Variants in CGAS observed in about 807,000 individuals in gnomAD.
CGAS encodes cyclic GMP-AMP synthase.
In CGAS, 31 loss-of-function variants were observed where a neutral mutation model predicts 34.0. That is an observed-to-expected ratio of 0.91 (90% CI 0.69 to 1.23). CGAS has a LOEUF of 1.23. CGAS is among the 50% of genes most tolerant of loss of function. CGAS has a pLI of 0.00. For missense variants in CGAS, 597 were observed against 657.6 expected (o/e 0.91, Z 1.01); for synonymous variants, 266 against 260.0 (o/e 1.02, Z -0.22).
rs114933995 is a variant in CGAS at position 73,426,623 on chromosome 6, C to A, written c.1218-1045G>T. Among the ~76,000 whole-genome samples, 474 of 151,618 alleles carry A rather than the reference C, an allele frequency of 3.1e-3. 2 individuals are homozygous for A. The highest frequency in any genetic ancestry group is 0.011 in the African/African-American group (454 of 41,430). ...AACCTCTGACCCTCCCCTCACCCCC[C>A]TCAAGCGATCCAAAATCTTGTTTTG... On this transcript the variant is annotated intron_variant, in intron 4 of 4. Transcript: ENST00000370315.
chr6:73,446,329 C>CA (rs55833644), intron 1 of CGAS, among the ~76,000 whole-genome samples: 2 of 114,520 alleles, frequency 1.7e-5, no homozygotes, highest in African/African-American at 3.4e-5. Flanking sequence ...GACTCCATCT[C>CA]AAAAAAAAAA....
intron 4 of CGAS, among the ~76,000 whole-genome samples, chr6:73,427,143 C>G (rs890862683): frequency 6.6e-6 from 1 of 151,380 alleles, no homozygotes; most frequent in Non-Finnish European, 1.5e-5. Flanking sequence ...AGCCACTGTG[C>G]CTGGCCAACA....
rs61299714 is a variant in CGAS, at chr6:73,429,593, A to G, written c.1115-782T>C. Among the ~76,000 whole-genome samples the G allele has an allele frequency of 8.5e-3, 1,298 of 151,904 alleles. 17 individuals are homozygous for G. Among genetic ancestry groups the G allele is most frequent in the African/African-American group, 0.024 (980 of 41,438 alleles). On this transcript the variant is annotated intron_variant, in intron 3 of 4. Coordinates refer to ENST00000370315, the MANE Select transcript of CGAS (RefSeq NM_138441.3). ...TGTAATCCCAGCACCTTGGGAGGCC[A>G]AGGTGGGCGGATCACAAGGTCGGGA...
intron 3 of CGAS, among the ~76,000 whole-genome samples, chr6:73,437,564 G>A (rs1469010482): frequency 6.6e-6 from 1 of 151,988 alleles, no homozygotes; most frequent in African/African-American, 2.4e-5. Flanking sequence ...TCAACTTCCT[G>A]AGTAGCTGAG....
rs1345101857 is a variant in CGAS, at chr6:73,451,541, T to C, written c.641A>G (p.Tyr214Cys). ...GCAGCTCACCTTCACGTGCTCATAG[T>C]AGCTCCCGGTGTTCAGCAGCCCGAC... The part of the protein sequence containing the change: ...RGVGLLNTGS[Y>C]YEHVKISAPN... Residue 214 changes from tyrosine to cysteine, a missense_variant, in exon 1 of 5, where the codon TAC becomes TGC. Tyr to Cys is a radical substitution (Grantham distance 194). Coordinates refer to ENST00000370315, the MANE Select transcript of CGAS (RefSeq NM_138441.3). 1 of 1,575,894 alleles carries C rather than the reference T, an allele frequency of 6.3e-7. No homozygotes were observed. The highest frequency in any genetic ancestry group is 8.6e-7 in the Non-Finnish European group (1 of 1,161,712).
At chr6:73,433,455 A>T (rs753218194) in intron 3 of CGAS, among the ~76,000 whole-genome samples, 2 of 148,892 alleles carry the variant, frequency 1.3e-5, no homozygotes, top group Non-Finnish European at 3.0e-5. Context: ...ATGAAGACTC[A>T]CAACTCTCTA....
chr6:73,427,977 T>C (rs1770117565), intron 4 of CGAS, among the ~76,000 whole-genome samples: 1 of 152,130 alleles, frequency 6.6e-6, no homozygotes, highest in Admixed American at 6.6e-5. Flanking sequence ...CATGCCTGGC[T>C]AATTTTTAAA....
chr6:73,442,438 T>C (rs1191111530), intron 2 of CGAS, among the ~76,000 whole-genome samples: 3 of 150,066 alleles, frequency 2.0e-5, no homozygotes, highest in Non-Finnish European at 1.5e-5. Context: ...TCCCGTTCTG[T>C]CACCCAGGCT....
At chr6:73,451,429 G>A (rs1770562837) in intron 1 of CGAS, 96 bp downstream of exon 1, 1 of 1,320,280 alleles carries the variant, frequency 7.6e-7, no homozygotes, top group East Asian at 2.5e-5. Flanking sequence ...AGTTACTTCC[G>A]AAGGGAAGTG....
chr6:73,445,436 G>T, intron 2 of CGAS, 92 bp downstream of exon 2: 1 of 854,544 alleles, frequency 1.2e-6, no homozygotes, highest in Non-Finnish European at 1.8e-6. Flanking sequence ...TTTTCTTACT[G>T]CAGAGAGGTC....
intron 3 of CGAS, among the ~76,000 whole-genome samples, chr6:73,431,048 G>A (rs1423492713): frequency 6.6e-6 from 1 of 152,074 alleles, no homozygotes; most frequent in Non-Finnish European, 1.5e-5. Flanking sequence ...GTTGCAGTGA[G>A]CCAAGATCAT....
intron 3 of CGAS, among the ~76,000 whole-genome samples, chr6:73,433,805 TGTCCAA>T (rs1255361067): frequency 6.6e-6 from 1 of 152,056 alleles, no homozygotes; most frequent in Non-Finnish European, 1.5e-5. Context: ...TACACAGTGT[TGTCCAA>T]GATGGTCTTG....
rs374693225 is a variant in CGAS at position 73,430,638 on chromosome 6, C to G, written c.1115-1827G>C. Among the ~76,000 whole-genome samples, 5 of 150,388 alleles carry G rather than the reference C, an allele frequency of 3.3e-5. No individual in the cohort carries two copies. The South Asian group carries it at 1.0e-3, about 32-fold the overall frequency. ...CCTGGACAACAGAGCGAGGCTCCAT[C>G]TCAAAAAAGAAAGAAAATGAAAAAA... is the stretch of plus-strand genomic sequence containing the variant. On this transcript the variant is annotated intron_variant, in intron 3 of 4. Transcript: ENST00000370315.
Position 73,452,201 on chromosome 6 carries a change from C to G in CGAS, c.-20G>C. 6.3e-7 allele frequency: 1 copy of G among 1,581,390 alleles called. No homozygotes were observed. The highest frequency in any genetic ancestry group is 8.6e-7 in the Non-Finnish European group (1 of 1,167,628). The stretch of plus-strand genomic sequence containing the variant: ...CTGCATGGCTGGCGCTTTCTGTTCC[C>G]CGAAAGAAGAATCCGTTTCAGGAAA... On this transcript the variant is annotated 5_prime_UTR_variant, in exon 1 of 5. Transcript: ENST00000370315.
chr6:73,434,803 G>A lies in CGAS; in HGVS notation c.1114+5406C>T, dbSNP rs543231931. On this transcript the variant is annotated intron_variant, in intron 3 of 4. Coordinates refer to ENST00000370315, the MANE Select transcript of CGAS (RefSeq NM_138441.3). ...CTGGGACTAAGTCACATGCCACCAC[G>A]CCTGGCTAATTTTTGTATTTTTTTA... is the stretch of plus-strand genomic sequence containing the variant. 6.6e-5 allele frequency among the ~76,000 whole-genome samples: 10 copies of A among 151,924 alleles called. No individual in the cohort carries two copies. In the South Asian group the frequency reaches 1.2e-3, roughly 19 times the overall value.
rs1464329857 is a variant in CGAS at position 73,428,723 on chromosome 6, T to G, written c.1203A>C (p.Glu401Asp). 6.2e-7 allele frequency: 1 copy of G among 1,611,258 alleles called. No homozygotes were observed. The highest frequency in any genetic ancestry group is 8.5e-7 in the Non-Finnish European group (1 of 1,179,428). ...AAGGCTGTTACCTGCAACATTTCTC[T>G]TCTTTGTTTTCACAGCACGTTTTAG... Reference protein sequence around the residue: ...GKSKTCCENKEEKCCRKDCLK... With the variant: ...GKSKTCCENKDEKCCRKDCLK... The change falls in exon 4 of 5, where the codon GAA (glutamate) becomes GAC (aspartate). Residue 401 changes from glutamate to aspartate, a missense_variant. By Grantham distance (45) the Glu-to-Asp change is conservative (BLOSUM62 2). Transcript: ENST00000370315.
Position 73,452,274 on chromosome 6 carries a change from A to G in CGAS, c.-93T>C. ...CAGCAGCTGTTGGAAACCAAGCACT[A>G]CTGGCGGGCACACAAGAGTCTGCGA... is the stretch of plus-strand genomic sequence containing the variant. On this transcript the variant is annotated 5_prime_UTR_variant, in exon 1 of 5. Transcript: ENST00000370315. 1 of 1,385,446 alleles carries G rather than the reference A, an allele frequency of 7.2e-7. No homozygotes were observed. 85.8% of individuals were successfully genotyped at this position (1,385,446 alleles called of 1,614,324 possible). A position where few individuals can be genotyped will look rare whatever the true frequency, so the allele number is the denominator to read the frequency against.
chr6:73,430,397 G>A lies in CGAS; in HGVS notation c.1115-1586C>T, dbSNP rs867143738. ...TGTAATCCCAGCACTTCAGGAGGCC[G>A]AGACAGGAGACCAGCCTGGCCAACA... On this transcript the variant is annotated intron_variant, in intron 3 of 4. Transcript: ENST00000370315. Among the ~76,000 whole-genome samples, 8 of 152,270 alleles carry A rather than the reference G, an allele frequency of 5.3e-5. No individual in the cohort carries two copies. The East Asian group carries it at 7.7e-4, about 15-fold the overall frequency.
intron 2 of CGAS, among the ~76,000 whole-genome samples, chr6:73,442,460 G>C (rs1472243047): frequency 6.6e-6 from 1 of 150,752 alleles, no homozygotes; most frequent in Non-Finnish European, 1.5e-5. Context: ...GAGTGCAGTA[G>C]CGTGAACATG....
Sources: gnomAD v4.1 joint callset for allele counts (sites outside exome capture counted in the v4.1 genomes callset) on GRCh38, gnomAD v4.1.1 for gene constraint, MANE v1.5 for transcripts, NCBI Gene and HGNC (gene_info 2026-07-23, HGNC 2026-07-21) for gene names.